The following ARHGEF25 variants were observed in gnomAD, a reference collection of about 807,000 sequenced individuals.
ARHGEF25 encodes RAC/CDC42 exchange factor.
ARHGEF25 carries 42 observed loss-of-function variants against 74.0 expected under a neutral mutation model. The ratio of observed to expected loss-of-function variants is 0.57; its 90% confidence interval spans 0.44 to 0.73. The LOEUF (loss-of-function observed/expected upper bound fraction) is 0.73, where lower values mean the gene tolerates loss of function less well. Among genes scored for constraint, ARHGEF25 ranks in the 30% least tolerant of loss-of-function variants. The pLI is 0.00. For missense variants in ARHGEF25, 645 were observed against 725.5 expected, an observed-to-expected ratio of 0.89 and a Z score of 1.27; for synonymous variants, 293 against 278.6, an observed-to-expected ratio of 1.05 and a Z score of -0.51.
chr12:57,612,670 T>C, intron 1 of ARHGEF25: 1 of 1,321,252 alleles, frequency 7.6e-7, no homozygotes, highest in Non-Finnish European at 9.7e-7. Flanking sequence ...ATCTATGCTA[T>C]GCTCAGGATA....
At chr12:57,610,249 C>T (rs766398081), upstream of ARHGEF25, 2 of 1,602,228 alleles carry the variant, frequency 1.2e-6, no homozygotes, top group Admixed American at 1.7e-5. Context: ...CCCCTGGCCG[C>T]ACTGACCGGA....
In ARHGEF25 at chr12:57,616,004, G is replaced by C. The variant is rs1884270172; in HGVS notation, c.1407G>C (p.Arg469=). The part of the protein sequence containing the change: ...KHVAQILESQ[R]DFLNALQSPI... ...TGGCTCAGATCTTGGAGAGCCAACGGGACTTCCTCAACGGTGAAGCTCTCA... is the reference window on the plus strand; with the variant it reads ...TGGCTCAGATCTTGGAGAGCCAACGCGACTTCCTCAACGGTGAAGCTCTCA... Residue 469 remains arginine, a synonymous_variant, in exon 13 of 15, where the codon CGG becomes CGC. Transcript: ENST00000286494. The C allele has an allele frequency of 6.2e-7, 1 of 1,612,200 alleles. No homozygotes were observed.
intron 13 of ARHGEF25, 102 bp downstream of exon 13, chr12:57,616,119 A>C (rs936091959): frequency 6.7e-7 from 1 of 1,494,036 alleles, no homozygotes; most frequent in African/African-American, 1.4e-5. Flanking sequence ...ACCATGGCCC[A>C]TCCCCTTTTC....
chr12:57,615,130 C>G (rs1594961407), intron 10 of ARHGEF25, 107 bp from the exon 11 acceptor site: 1 of 1,559,264 alleles, frequency 6.4e-7, no homozygotes. Context: ...TAGGGGGAGG[C>G]TGGTTGGGGT....
intron 11 of ARHGEF25, 94 bp from the exon 12 acceptor site, chr12:57,615,418 A>T: frequency 1.3e-6 from 2 of 1,593,418 alleles, no homozygotes; most frequent in Non-Finnish European, 1.7e-6. Flanking sequence ...GGCTGACCCC[A>T]TGGTTGGTTG....
Position 57,616,379 on chromosome 12 carries a change from C to A in ARHGEF25, c.1516C>A (p.Gln506Lys). 1 of 1,614,108 alleles carries A rather than the reference C, an allele frequency of 6.2e-7. No individual in the cohort carries two copies. Among genetic ancestry groups the A allele is most frequent in the Non-Finnish European group, 8.5e-7 (1 of 1,180,018 alleles). ...TGGAGTGGGGAGCCCTGGAAGAATT[C>A]AGCTTGGAGATCAGGCCCAGGGCAG... ...GPGVGSPGRIQLGDQAQGSTH... is the reference protein window; with the variant it reads ...GPGVGSPGRIKLGDQAQGSTH... The change falls in exon 14 of 15, where the codon CAG (glutamine) becomes AAG (lysine). Residue 506 changes from glutamine to lysine, a missense_variant. Gln to Lys is a moderately conservative substitution (Grantham distance 53). This residue lies in a region of ARHGEF25 where 262 missense variants were observed against 256.9 expected (regional missense o/e 1.02). Coordinates refer to ENST00000286494, the MANE Select transcript of ARHGEF25 (RefSeq NM_182947.4).
At chr12:57,611,372 T>G, upstream of ARHGEF25, 1 of 927,206 alleles carries the variant, frequency 1.1e-6, no homozygotes, top group Non-Finnish European at 1.3e-6. This position sits in a 1 kb window ranked among gnomAD's most constrained non-coding sequence, Gnocchi z 4.5. Flanking sequence ...GGGAACGCGA[T>G]GGAGAGGGCG....
Position 57,613,039 on chromosome 12 carries a change from A to G in ARHGEF25, c.207A>G (p.Pro69=), listed in dbSNP as rs1485660596. The G allele has an allele frequency of 6.2e-7, 1 of 1,614,118 alleles. No homozygotes were observed. The highest frequency in any genetic ancestry group is 2.2e-5 in the East Asian group (1 of 44,884). The change falls in exon 2 of 15, where the codon CCA becomes CCG. Residue 69 remains proline (P), a synonymous_variant. Coordinates refer to ENST00000286494, the MANE Select transcript of ARHGEF25 (RefSeq NM_182947.4). ...SSGLSSGPCS[P]GPPGPVSGLR... is the part of the protein sequence containing the mutation. ...GCCTCAGCTCTGGCCCCTGTTCCCC[A>G]GGCCCCCCAGGGCCCGTCAGTGGCC...
chr12:57,617,046 C>T lies in ARHGEF25; in HGVS notation c.*152C>T, dbSNP rs1884330055. 3 of 547,470 alleles carry T rather than the reference C, an allele frequency of 5.5e-6. No individual in the cohort carries two copies. The highest frequency in any genetic ancestry group is 6.4e-6 in the Non-Finnish European group (2 of 312,504). The allele number at this position is 547,470 out of a possible 1,614,324, so 33.9% of individuals were successfully genotyped here. ...AGGGATATCAACTTGGAGGAGAACA[C>T]CTAGACCCAAGGACTTTTTTCTGCC... On this transcript the variant is annotated 3_prime_UTR_variant, in exon 15 of 15. Transcript: ENST00000286494.
At chr12:57,616,065 C>G (rs1196811481) in intron 13 of ARHGEF25, 48 bp downstream of exon 13, 1 of 1,575,570 alleles carries the variant, frequency 6.3e-7, no homozygotes, top group Admixed American at 1.8e-5. Flanking sequence ...AGCCCCTTAA[C>G]CTCCTGAATC....
In ARHGEF25 at chr12:57,617,245, C is replaced by T. The variant is rs141469300; in HGVS notation, c.*351C>T. Reference sequence around the variant, plus strand: ...GAGAATAAAGGTTTTGTTATATCACCGAGGCTGCTGTCTTGGCAGAGGGAA... The same window carrying T: ...GAGAATAAAGGTTTTGTTATATCACTGAGGCTGCTGTCTTGGCAGAGGGAA... On this transcript the variant is annotated 3_prime_UTR_variant, in exon 15 of 15. Coordinates refer to ENST00000286494, the MANE Select transcript of ARHGEF25 (RefSeq NM_182947.4). The T allele has an allele frequency of 2.7e-5, 5 of 182,454 alleles. No individual in the cohort carries two copies. Among genetic ancestry groups the T allele is most frequent in the East Asian group, 2.9e-4 (2 of 6,874 alleles). The allele number at this position is 182,454 out of a possible 1,614,324, so 11.3% of individuals were successfully genotyped here.
At position 57,611,735 on chromosome 12, in the gene ARHGEF25, C is replaced by G; in HGVS notation, c.-160C>G. ...CCTCAAGACTAGACTTCCGCCTACC[C>G]CTGGACACCTCCTCCCGGTCCCCTC... On this transcript the variant is annotated 5_prime_UTR_variant, in exon 1 of 15. Coordinates refer to ENST00000286494, the MANE Select transcript of ARHGEF25 (RefSeq NM_182947.4). The surrounding 1 kb of genome is among the most constrained non-coding windows in gnomAD (Gnocchi z 4.5). The G allele has an allele frequency of 8.4e-7, 1 of 1,191,214 alleles. No homozygotes were observed. Among genetic ancestry groups the G allele is most frequent in the Non-Finnish European group, 1.0e-6 (1 of 961,800 alleles). 73.8% of individuals were successfully genotyped at this position (1,191,214 alleles called of 1,614,324 possible).
At position 57,613,998 on chromosome 12, in the gene ARHGEF25, A is replaced by G. The variant is rs764932430; in HGVS notation, c.553-18A>G. 12 of 1,612,812 alleles carry G rather than the reference A, an allele frequency of 7.4e-6. 1 individual carries two copies. In the South Asian group the frequency reaches 1.2e-4, roughly 16 times the overall value. ...AGGGCCACCACATGCTCATGACCCA[A>G]CCTCAACTTTCCCACAGGGTTATAT... On this transcript the variant is annotated intron_variant, in intron 5 of 14. Transcript: ENST00000286494.
At chr12:57,611,055 G>A (rs756925834), upstream of ARHGEF25, among the ~76,000 whole-genome samples, 1 of 152,216 alleles carries the variant, frequency 6.6e-6, no homozygotes, top group Non-Finnish European at 1.5e-5. The surrounding 1 kb of genome is among the most constrained non-coding windows in gnomAD (Gnocchi z 4.5). Flanking sequence ...CACGCACCCC[G>A]TACCAGGGGG....
At position 57,611,597 on chromosome 12, in the gene ARHGEF25, T is replaced by A; in HGVS notation, c.-298T>A. 1.0e-6 allele frequency: 1 copy of A among 997,024 alleles called. No homozygotes were observed. Among genetic ancestry groups the A allele is most frequent in the Non-Finnish European group, 1.2e-6 (1 of 839,782 alleles). The allele number at this position is 997,024 out of a possible 1,614,324, so 61.8% of individuals were successfully genotyped here. On this transcript the variant is annotated 5_prime_UTR_variant, in exon 1 of 15. Transcript: ENST00000286494. The surrounding 1 kb of genome is among the most constrained non-coding windows in gnomAD (Gnocchi z 4.5). ...CAGCCTCCCCTACCATCCCTCCCCC[T>A]TCCACTGGACATCTGGACCCTAGGC... is the stretch of plus-strand genomic sequence containing the variant.
At chr12:57,613,799 T>G in intron 5 of ARHGEF25, 39 bp downstream of exon 5, 3 of 1,607,404 alleles carry the variant, frequency 1.9e-6, no homozygotes, top group Non-Finnish European at 2.6e-6. Flanking sequence ...TCCTGCCTGC[T>G]TTTCCATCTG....
chr12:57,614,399 A>T lies in ARHGEF25; in HGVS notation c.725A>T (p.His242Leu). Residue 242 changes from histidine to leucine, a missense_variant and splice_region_variant, in exon 7 of 15, where the codon CAC becomes CTC. Coordinates refer to ENST00000286494, the MANE Select transcript of ARHGEF25 (RefSeq NM_182947.4). The surrounding 1 kb of genome is among the most constrained non-coding windows in gnomAD (Gnocchi z 4.6). Reference sequence around the variant, plus strand: ...TGGCTGGCTCAGCTATTCATCAAACACGTGAGGCTTGAGGGGGCAGGGCCT... The same window carrying T: ...TGGCTGGCTCAGCTATTCATCAAACTCGTGAGGCTTGAGGGGGCAGGGCCT... Reference protein sequence around the residue: ...PDWLAQLFIKHERRLHMYVVY... With the variant: ...PDWLAQLFIKLERRLHMYVVY... 1.2e-6 allele frequency: 2 copies of T among 1,613,884 alleles called. No homozygotes were observed. Among genetic ancestry groups the T allele is most frequent in the Non-Finnish European group, 1.7e-6 (2 of 1,179,830 alleles).
upstream of ARHGEF25, chr12:57,610,694 TG>T: frequency 1.2e-6 from 2 of 1,603,584 alleles, no homozygotes; most frequent in East Asian, 2.2e-5. Flanking sequence ...GGTAAGAAGC[TG>T]GGGGTGGGGT....
chr12:57,615,529 G>A lies in ARHGEF25; in HGVS notation c.1056G>A (p.Gln352=). Residue 352 remains glutamine, a synonymous_variant, in exon 12 of 15, where the codon CAG becomes CAA. Transcript: ENST00000286494. ...GGTTTCAGGGCAAACTGACTGCTCA[G>A]GGGAAGCTCTTGGGCCAGGACACTT... is the stretch of plus-strand genomic sequence containing the variant. ...LRGFEGKLTA[Q]GKLLGQDTFW... 4 of 1,614,212 alleles carry A rather than the reference G, an allele frequency of 2.5e-6. No individual in the cohort carries two copies. Among genetic ancestry groups the A allele is most frequent in the Non-Finnish European group, 3.4e-6 (4 of 1,180,034 alleles).
Sources: gnomAD v4.1 joint callset for allele counts (sites outside exome capture counted in the v4.1 genomes callset) on GRCh38, gnomAD v4.1.1 for gene constraint, gnomAD v4.1.1 regional missense constraint, Gnocchi (gnomAD v3.1) non-coding constraint, MANE v1.5 for transcripts, NCBI Gene and HGNC (gene_info 2026-07-23, HGNC 2026-07-21) for gene names.